PDE4B: variants seen among roughly 807,000 people sequenced by gnomAD.
The protein encoded by PDE4B is 3',5'-cyclic-AMP phosphodiesterase 4B.
A neutral mutation model predicts 82.2 loss-of-function variants in PDE4B; 20 were observed. That is an observed-to-expected ratio of 0.24 (90% CI 0.17 to 0.35). PDE4B has a LOEUF of 0.35. Ranked by LOEUF, PDE4B falls within the 10% of genes least tolerant of loss-of-function variation. The pLI is 1.00. For missense variants in PDE4B, 655 were observed against 907.2 expected, an observed-to-expected ratio of 0.72 and a Z score of 3.57; for synonymous variants, 320 against 318.9, an observed-to-expected ratio of 1.00 and a Z score of -0.04.
intron 7 of PDE4B, among the ~76,000 whole-genome samples, chr1:66,295,980 T>C (rs928980253): frequency 6.6e-6 from 1 of 152,138 alleles, no homozygotes; most frequent in Non-Finnish European, 1.5e-5. Context: ...CGTGTCGCCC[T>C]CTCTGCTCAG....
chr1:66,343,994 G>A (rs1168231712), intron 8 of PDE4B, among the ~76,000 whole-genome samples: 3 of 152,140 alleles, frequency 2.0e-5, no homozygotes, highest in Admixed American at 6.5e-5. Context: ...TAATGAAATG[G>A]ACTCCAACTC....
intron 3 of PDE4B, among the ~76,000 whole-genome samples, chr1:66,021,862 G>A (rs375711199): frequency 6.6e-6 from 1 of 152,192 alleles, no homozygotes; most frequent in Non-Finnish European, 1.5e-5. Context: ...GTCATTGGTA[G>A]CTTGATGGGG....
At chr1:66,152,670 TAAG>T (rs1646427044) in intron 3 of PDE4B, 1 of 136,370 alleles carries the variant, frequency 7.3e-6, no homozygotes, top group Non-Finnish European at 1.6e-5. Flanking sequence ...ACACACACAC[TAAG>T]AAGTTTATTG....
At chr1:66,355,261 A>G (rs1189005368) in intron 8 of PDE4B, 2 of 386,520 alleles carry the variant, frequency 5.2e-6, no homozygotes, top group Non-Finnish European at 9.2e-6. Flanking sequence ...AATTATCTTG[A>G]CCTCTATTAA....
chr1:65,952,781 A>G (rs1649072268), intron 3 of PDE4B, among the ~76,000 whole-genome samples: 1 of 152,128 alleles, frequency 6.6e-6, no homozygotes, highest in South Asian at 2.1e-4. Flanking sequence ...CGTTGATAGG[A>G]AGGCTCTGCA....
chr1:66,194,693 C>G (rs1330896999), intron 3 of PDE4B, among the ~76,000 whole-genome samples: 1 of 152,034 alleles, frequency 6.6e-6, no homozygotes, highest in Non-Finnish European at 1.5e-5. Flanking sequence ...GTTTATTGGC[C>G]TGATCTTGCA....
intron 1 of PDE4B, among the ~76,000 whole-genome samples, chr1:65,824,085 T>C (rs1645986626): frequency 6.6e-6 from 1 of 152,218 alleles, no homozygotes; most frequent in African/African-American, 2.4e-5. Flanking sequence ...TACTAGGGGA[T>C]AGCAATTGTT....
chr1:65,871,572 CA>C (rs1646573369), intron 1 of PDE4B, among the ~76,000 whole-genome samples: 1 of 152,336 alleles, frequency 6.6e-6, no homozygotes, highest in East Asian at 1.9e-4. Context: ...ATGCCTGGCA[CA>C]TAGCTAATTA....
intron 7 of PDE4B, among the ~76,000 whole-genome samples, chr1:66,317,944 T>C (rs1248943741): frequency 6.6e-6 from 1 of 152,120 alleles, no homozygotes; most frequent in Admixed American, 6.5e-5. Context: ...TTAGGCAAGA[T>C]TGAGGAGGTG....
Position 65,899,253 on chromosome 1 carries a change from A to G in PDE4B, c.-70-13992A>G, listed in dbSNP as rs563510086. The stretch of plus-strand genomic sequence containing the variant: ...ACTATTGATCAGGAAAATGCAAATT[A>G]AAACCACAATGTGATACCACTTCAC... On this transcript the variant is annotated intron_variant, in intron 1 of 16. Transcript: ENST00000341517. Among the ~76,000 whole-genome samples the G allele has an allele frequency of 7.2e-5, 11 of 152,314 alleles. No homozygotes were observed. In the East Asian group the frequency reaches 1.7e-3, roughly 24 times the overall value.
chr1:66,180,777 AAGGC>A (rs1158358573), intron 3 of PDE4B, among the ~76,000 whole-genome samples: 3 of 152,128 alleles, frequency 2.0e-5, no homozygotes, highest in Non-Finnish European at 4.4e-5. Context: ...TCAGATGTGG[AAGGC>A]AAGAATGATT....
intron 3 of PDE4B, among the ~76,000 whole-genome samples, chr1:66,036,477 A>G (rs991474519): frequency 6.6e-6 from 1 of 152,112 alleles, no homozygotes; most frequent in Non-Finnish European, 1.5e-5. Context: ...TCCTTAATCC[A>G]TTGTGAGTTT....
intron 4 of PDE4B, among the ~76,000 whole-genome samples, chr1:66,248,955 C>T (rs1261484341): frequency 1.3e-5 from 2 of 152,164 alleles, no homozygotes; most frequent in African/African-American, 4.8e-5. Flanking sequence ...GAGAAACTTG[C>T]CCCTATCCCA....
intron 3 of PDE4B, among the ~76,000 whole-genome samples, chr1:66,177,829 A>G (rs1346504449): frequency 6.6e-6 from 1 of 152,160 alleles, no homozygotes; most frequent in East Asian, 1.9e-4. Flanking sequence ...TGGGATCATC[A>G]TGGTTCAGTA....
At chr1:66,168,225 G>A (rs1279619350) in intron 3 of PDE4B, among the ~76,000 whole-genome samples, 2 of 152,098 alleles carry the variant, frequency 1.3e-5, no homozygotes, top group Non-Finnish European at 2.9e-5. Flanking sequence ...ACTACAGTAG[G>A]CACTGACAAT....
At chr1:65,902,745 A>G (rs967158678) in intron 1 of PDE4B, among the ~76,000 whole-genome samples, 2 of 152,212 alleles carry the variant, frequency 1.3e-5, no homozygotes, top group Non-Finnish European at 2.9e-5. Flanking sequence ...ACATGAATGA[A>G]TAAATGCCCA....
intron 3 of PDE4B, among the ~76,000 whole-genome samples, chr1:66,040,355 C>G (rs1382325917): frequency 6.6e-6 from 1 of 152,006 alleles, no homozygotes; most frequent in Non-Finnish European, 1.5e-5. Context: ...TCTTCCCTTC[C>G]TAACTCACCA....
Position 66,017,837 on chromosome 1 carries a change from A to AAT in PDE4B, c.281+99017_281+99018dup, listed in dbSNP as rs1553133084. Among the ~76,000 whole-genome samples the AAT allele has an allele frequency of 1.0e-3, 153 of 151,102 alleles. 2 individuals carry two copies. Among genetic ancestry groups the AAT allele is most frequent in the African/African-American group, 3.0e-3 (125 of 41,166 alleles). ...TCCAGTATTAGTGAGATTTTTAAAA[A>AAT]ATATATATATATATATTCAAGGGTG... On this transcript the variant is annotated intron_variant, in intron 3 of 16. Transcript: ENST00000341517.
intron 3 of PDE4B, among the ~76,000 whole-genome samples, chr1:66,062,044 G>A (rs1027234927): frequency 5.3e-5 from 8 of 152,114 alleles, no homozygotes; most frequent in Non-Finnish European, 7.4e-5. Context: ...ATCTTTGCTT[G>A]TTTTAGGAGC....
Sources: allele counts gnomAD v4.1 joint callset (sites outside exome capture counted in the v4.1 genomes callset), GRCh38; gene constraint gnomAD v4.1.1; transcripts MANE v1.5; gene names NCBI Gene and HGNC (gene_info 2026-07-23, HGNC 2026-07-21).